RCL1: variants seen among roughly 807,000 people sequenced by gnomAD.
RCL1 encodes the protein RNA terminal phosphate cyclase like 1.
RCL1 carries 24 observed loss-of-function variants against 42.4 expected under a neutral mutation model. That is an observed-to-expected ratio of 0.57 (90% CI 0.41 to 0.80). The LOEUF is 0.80. RCL1 is among the 30% of genes least tolerant of loss of function. The pLI is 0.00. For missense variants in RCL1, 578 were observed against 467.9 expected (o/e 1.24, Z -2.17); for synonymous variants, 228 against 177.3 (o/e 1.29, Z -2.27).
chr9:4,834,143 T>A lies in RCL1; in HGVS notation c.462T>A (p.Ile154=). The A allele has an allele frequency of 6.2e-7, 1 of 1,600,728 alleles. No homozygotes were observed. The highest frequency in any genetic ancestry group is 8.5e-7 in the Non-Finnish European group (1 of 1,173,002). The change falls in exon 5 of 9, where the codon ATT becomes ATA. Residue 154 remains isoleucine, a splice_region_variant and synonymous_variant. Coordinates refer to ENST00000381750, the MANE Select transcript of RCL1 (RefSeq NM_005772.5). ...GIDGESFELK[I]VRRGMPPGGG... ...CATCTTTCTCACTCTCTGTGTAGAT[T>A]GTGCGACGGGGAATGCCTCCCGGAG...
chr9:4,803,926 A>G (rs762807041), intron 1 of RCL1: 1 of 152,614 alleles, frequency 6.6e-6, no homozygotes, highest in Non-Finnish European at 1.5e-5. Context: ...ATTTCCACTC[A>G]CGGCCATCTC....
chr9:4,836,001 G>T (rs544413120), intron 5 of RCL1, among the ~76,000 whole-genome samples: 10 of 152,300 alleles, frequency 6.6e-5, no homozygotes, highest in Admixed American at 4.6e-4. Flanking sequence ...TGAGTTTTCA[G>T]TTGTTACCGA....
At chr9:4,793,444 C>T (rs565277433) in intron 1 of RCL1, among the ~76,000 whole-genome samples, 1 of 152,322 alleles carries the variant, frequency 6.6e-6, no homozygotes, top group African/African-American at 2.4e-5. Flanking sequence ...AAGCTGCGCT[C>T]GGCGTCTCCG....
At chr9:4,795,878 A>C (rs929943924) in intron 1 of RCL1, among the ~76,000 whole-genome samples, 4 of 152,168 alleles carry the variant, frequency 2.6e-5, no homozygotes, top group Admixed American at 2.0e-4. Flanking sequence ...CCCTGTTCTC[A>C]TGGAGCTTGT....
chr9:4,806,832 T>C (rs1181704837), intron 1 of RCL1, among the ~76,000 whole-genome samples: 1 of 152,208 alleles, frequency 6.6e-6, no homozygotes, highest in African/African-American at 2.4e-5. Flanking sequence ...GTAGAATTGT[T>C]TTTAATTCTT....
intron 4 of RCL1, among the ~76,000 whole-genome samples, chr9:4,833,694 C>G (rs1431747946): frequency 6.6e-6 from 1 of 152,158 alleles, no homozygotes; most frequent in African/African-American, 2.4e-5. Context: ...TTATATCAAT[C>G]CAATGTGGTA....
At chr9:4,830,849 G>A (rs531122) in intron 3 of RCL1, among the ~76,000 whole-genome samples, 115,008 of 152,054 alleles carry the variant, frequency 0.76, 45,830 homozygotes, top group East Asian at 1. Context: ...GATTGACTGC[G>A]CTGTAATGGT....
intron 8 of RCL1, among the ~76,000 whole-genome samples, chr9:4,850,683 G>A (rs1370075183): frequency 6.6e-6 from 1 of 152,026 alleles, no homozygotes; most frequent in Non-Finnish European, 1.5e-5. Flanking sequence ...ATCCTAAATG[G>A]CGTGGTAACA....
intron 1 of RCL1, among the ~76,000 whole-genome samples, chr9:4,796,236 C>G (rs1038469119): frequency 2.0e-5 from 3 of 152,134 alleles, no homozygotes; most frequent in African/African-American, 4.8e-5. Flanking sequence ...CTCCCTCAAT[C>G]TTCCTCCTTT....
intron 7 of RCL1, 119 bp downstream of exon 7, chr9:4,844,800 C>T: frequency 2.0e-6 from 2 of 1,011,926 alleles, no homozygotes; most frequent in Admixed American, 2.5e-5. Context: ...TAATCTGTTC[C>T]TGTGCATTAA....
In RCL1 at chr9:4,831,927, C is replaced by G. The variant is rs115785670; in HGVS notation, c.385-1227C>G. 7.7e-3 allele frequency among the ~76,000 whole-genome samples: 1,166 copies of G among 152,324 alleles called. 15 individuals carry two copies. The highest frequency in any genetic ancestry group is 0.027 in the African/African-American group (1,109 of 41,572). ...ATTCAGATAGTTGTGATTTTCTTGTCTGAGGCAACATAGCTAATTAGAAGC... is the reference window on the plus strand; with the variant it reads ...ATTCAGATAGTTGTGATTTTCTTGTGTGAGGCAACATAGCTAATTAGAAGC... On this transcript the variant is annotated intron_variant, in intron 3 of 8. Coordinates refer to ENST00000381750, the MANE Select transcript of RCL1 (RefSeq NM_005772.5).
At chr9:4,822,003 A>T (rs891797134) in intron 1 of RCL1, among the ~76,000 whole-genome samples, 6 of 152,254 alleles carry the variant, frequency 3.9e-5, no homozygotes, top group Admixed American at 2.6e-4. Context: ...CCTCAGGGAT[A>T]TGAGTATTAA....
intron 1 of RCL1, among the ~76,000 whole-genome samples, chr9:4,810,118 G>A (rs572519250): frequency 1.3e-5 from 2 of 152,282 alleles, no homozygotes; most frequent in East Asian, 1.9e-4. Flanking sequence ...CTGAGCCACC[G>A]CATCCTGCCA....
At chr9:4,855,822 T>G (rs1817940854) in intron 8 of RCL1, among the ~76,000 whole-genome samples, 1 of 152,214 alleles carries the variant, frequency 6.6e-6, no homozygotes, top group Non-Finnish European at 1.5e-5. Context: ...CTAACTTTGC[T>G]TTTTCTAACT....
rs572906092 is a variant in RCL1, at chr9:4,848,984, G to A, written c.868-463G>A. Among the ~76,000 whole-genome samples the A allele has an allele frequency of 3.9e-5, 6 of 152,236 alleles. No individual in the cohort carries two copies. The South Asian group carries it at 1.2e-3, about 32-fold the overall frequency. On this transcript the variant is annotated intron_variant, in intron 7 of 8. Coordinates refer to ENST00000381750, the MANE Select transcript of RCL1 (RefSeq NM_005772.5). Reference sequence around the variant, plus strand: ...AAGTGTAAAAGTAAGGCCATGAAAAGGCCGTTTCATGTCAGATAGACTGTG... The same window carrying A: ...AAGTGTAAAAGTAAGGCCATGAAAAAGCCGTTTCATGTCAGATAGACTGTG...
chr9:4,860,178 A>C lies in RCL1; in HGVS notation c.1025A>C (p.Glu342Ala). Residue 342 changes from glutamate (E) to alanine (A), a missense_variant, in exon 9 of 9, where the codon GAA (glutamate) becomes GCA (alanine). Transcript: ENST00000381750. ...KSFFQIMFKI[E>A]TKPCGEELKG... ...TTTTTCCAGATTATGTTTAAAATTG[A>C]AACCAAGCCATGTGGTGAAGAACTC... 6.2e-7 allele frequency: 1 copy of C among 1,610,690 alleles called. No homozygotes were observed. The highest frequency in any genetic ancestry group is 8.5e-7 in the Non-Finnish European group (1 of 1,178,562).
chr9:4,826,758 C>T, intron 2 of RCL1, 100 bp from the exon 3 acceptor site: 2 of 1,047,120 alleles, frequency 1.9e-6, no homozygotes, highest in South Asian at 1.6e-5. Context: ...CTCTTGGATG[C>T]CCTTGTCAGG....
At chr9:4,829,188 C>T (rs77191241) in intron 3 of RCL1, among the ~76,000 whole-genome samples, 2,175 of 152,154 alleles carry the variant, frequency 0.014, 17 homozygotes, top group Non-Finnish European at 0.024. Flanking sequence ...TGTTAGAGAG[C>T]GTTTCTTGAG....
intron 5 of RCL1, among the ~76,000 whole-genome samples, chr9:4,837,025 C>A (rs183127333): frequency 3.3e-5 from 5 of 152,188 alleles, no homozygotes; most frequent in Admixed American, 2.6e-4. Flanking sequence ...TTCCTAGGAG[C>A]CCCCAGGTTG....
Sources: gnomAD v4.1 joint callset for allele counts (sites outside exome capture counted in the v4.1 genomes callset) on GRCh38, gnomAD v4.1.1 for gene constraint, MANE v1.5 for transcripts, NCBI Gene and HGNC (gene_info 2026-07-23, HGNC 2026-07-21) for gene names.